The following PROSER2 variants were observed in gnomAD, a reference collection of about 807,000 sequenced individuals.
PROSER2 encodes proline and serine-rich protein 2.
In PROSER2, 18 loss-of-function variants were observed where a neutral mutation model predicts 14.6. That is an observed-to-expected ratio of 1.23 (90% CI 0.85 to 1.83). The LOEUF is 1.83. Among genes scored for constraint, PROSER2 ranks in the 40% most tolerant of loss-of-function variants. The pLI, the probability that PROSER2 is intolerant of heterozygous loss-of-function variation, is 0.00. For missense variants in PROSER2, 823 were observed against 629.8 expected, an observed-to-expected ratio of 1.31 and a Z score of -3.28; for synonymous variants, 367 against 286.4, an observed-to-expected ratio of 1.28 and a Z score of -2.84.
Position 11,869,821 on chromosome 10 carries a change from G to T in PROSER2, c.723G>T (p.Gly241=). ...RGPRSGDPGP[G]PSHPAQPKAP... ...CCCGCAGTGGAGACCCTGGCCCGGGGCCCAGCCACCCGGCGCAGCCCAAGG... is the reference window on the plus strand; with the variant it reads ...CCCGCAGTGGAGACCCTGGCCCGGGTCCCAGCCACCCGGCGCAGCCCAAGG... Residue 241 remains glycine, a synonymous_variant, in exon 4 of 4, where the codon GGG becomes GGT. Coordinates refer to ENST00000277570, the MANE Select transcript of PROSER2 (RefSeq NM_153256.4). This position sits in a 1 kb window ranked among gnomAD's most constrained non-coding sequence, Gnocchi z 4.4. 6.4e-7 allele frequency: 1 copy of T among 1,568,074 alleles called. No homozygotes were observed. The highest frequency in any genetic ancestry group is 1.9e-5 in the Admixed American group (1 of 52,946).
At chr10:11,863,907 C>T (rs956226623) in intron 2 of PROSER2, among the ~76,000 whole-genome samples, 4 of 152,038 alleles carry the variant, frequency 2.6e-5, no homozygotes, top group African/African-American at 9.7e-5. Flanking sequence ...CCTTTGCCAC[C>T]CTTGGGCTTG....
intron 2 of PROSER2, among the ~76,000 whole-genome samples, chr10:11,864,071 C>T (rs1043514328): frequency 7.9e-5 from 12 of 152,168 alleles, no homozygotes; most frequent in African/African-American, 2.9e-4. Flanking sequence ...AACAGCTGCC[C>T]TTCCTGACTA....
At position 11,862,346 on chromosome 10, in the gene PROSER2, TAAGG is replaced by T. The variant is rs960631732; in HGVS notation, c.139-4181_139-4178del. Among the ~76,000 whole-genome samples, 9 of 152,112 alleles carry T rather than the reference TAAGG, an allele frequency of 5.9e-5. No homozygotes were observed. Among genetic ancestry groups the T allele is most frequent in the Non-Finnish European group, 1.3e-4 (9 of 68,030 alleles). The stretch of plus-strand genomic sequence containing the variant: ...AAGGACTAAGAAAGCTAAACAGACT[TAAGG>T]AAGACTTTAAGAACTCCAACAAAAC... On this transcript the variant is annotated intron_variant, in intron 2 of 3. Coordinates refer to ENST00000277570, the MANE Select transcript of PROSER2 (RefSeq NM_153256.4). This position sits in a 1 kb window ranked among gnomAD's most constrained non-coding sequence, Gnocchi z 4.2.
At position 11,866,260 on chromosome 10, in the gene PROSER2, G is replaced by T. The variant is rs1204705863; in HGVS notation, c.139-271G>T. 6.6e-6 allele frequency among the ~76,000 whole-genome samples: 1 copy of T among 152,184 alleles called. No individual in the cohort carries two copies. The highest frequency in any genetic ancestry group is 1.5e-5 in the Non-Finnish European group (1 of 68,030). ...AGCTCTCCAGTGTGCTCCCGAGAGG[G>T]TGCTTTTTGTCATTGACTTGCTAGG... On this transcript the variant is annotated intron_variant, in intron 2 of 3. Transcript: ENST00000277570. The surrounding 1 kb of genome is among the most constrained non-coding windows in gnomAD (Gnocchi z 6.0).
At chr10:11,864,447 C>A (rs975340305) in intron 2 of PROSER2, among the ~76,000 whole-genome samples, 1 of 152,152 alleles carries the variant, frequency 6.6e-6, no homozygotes, top group Non-Finnish European at 1.5e-5. Flanking sequence ...ACACAACACA[C>A]GCACACTTTA....
intron 2 of PROSER2, among the ~76,000 whole-genome samples, chr10:11,855,018 G>C (rs1193001475): frequency 6.6e-6 from 1 of 151,640 alleles, no homozygotes; most frequent in East Asian, 1.9e-4. Flanking sequence ...AGTCAACAGC[G>C]TTTTTAGGCC....
intron 1 of PROSER2, among the ~76,000 whole-genome samples, chr10:11,824,350 C>G (rs1394065960): frequency 1.3e-5 from 2 of 152,154 alleles, no homozygotes; most frequent in East Asian, 3.8e-4. Flanking sequence ...ATCGGTATTT[C>G]TGAAAGGTAT....
chr10:11,854,141 T>C (rs950568081), intron 2 of PROSER2, among the ~76,000 whole-genome samples: 20 of 152,242 alleles, frequency 1.3e-4, no homozygotes, highest in Admixed American at 8.5e-4. Context: ...TCTGGTCGTG[T>C]TTCCTTGCCT....
chr10:11,840,922 CAAAAAAAAAAAAAAAAA>C (rs1169517487), intron 1 of PROSER2, among the ~76,000 whole-genome samples: 14 of 50,374 alleles, frequency 2.8e-4, no homozygotes, highest in Middle Eastern at 0.019. Flanking sequence ...GAGACTGTCT[CAAAAAAAAAAAAAAAAA>C]AAAAAAAAAA....
intron 3 of PROSER2, among the ~76,000 whole-genome samples, chr10:11,867,260 G>C (rs1210675341): frequency 1.6e-5 from 1 of 60,728 alleles, no homozygotes; most frequent in Non-Finnish European, 2.9e-5. Context: ...GTGAGACTCC[G>C]TCTCAAAAAA....
At position 11,872,036 on chromosome 10, in the gene PROSER2, T is replaced by C. The variant is rs1486480847; in HGVS notation, c.*1630T>C. 1 of 152,236 alleles carries C rather than the reference T, an allele frequency of 6.6e-6. No homozygotes were observed. Among genetic ancestry groups the C allele is most frequent in the African/African-American group, 2.4e-5 (1 of 41,450 alleles). The allele number at this position is 152,236 out of a possible 1,614,324, so 9.4% of individuals were successfully genotyped here. A position where few individuals can be genotyped will look rare whatever the true frequency, so the allele number is the denominator to read the frequency against. On this transcript the variant is annotated 3_prime_UTR_variant, in exon 4 of 4. Transcript: ENST00000277570. ...CTGTAAATTTTACTCCTGTTAATGC[T>C]GGATTGGTTTAAAGGATTTATAAGG...
chr10:11,855,770 A>G (rs1376839239), intron 2 of PROSER2, among the ~76,000 whole-genome samples: 2 of 152,218 alleles, frequency 1.3e-5, no homozygotes, highest in Admixed American at 6.5e-5. Flanking sequence ...ACACAAAACA[A>G]ATACATAAAT....
rs1167924052 is a variant in PROSER2, at chr10:11,865,793, GC to G, written c.139-737del. Reference sequence around the variant, plus strand: ...CTGTCACCTTTTTCGAGAGTAACTGGCGAGTTTTGTGCCGGGATGAGCTCAT... The same window carrying G: ...CTGTCACCTTTTTCGAGAGTAACTGGGAGTTTTGTGCCGGGATGAGCTCAT... On this transcript the variant is annotated intron_variant, in intron 2 of 3. Coordinates refer to ENST00000277570, the MANE Select transcript of PROSER2 (RefSeq NM_153256.4). The surrounding 1 kb of genome is among the most constrained non-coding windows in gnomAD (Gnocchi z 4.2). 6.6e-6 allele frequency among the ~76,000 whole-genome samples: 1 copy of G among 152,160 alleles called. No homozygotes were observed. The highest frequency in any genetic ancestry group is 1.5e-5 in the Non-Finnish European group (1 of 68,022).
At chr10:11,852,799 G>A (rs1331158641) in intron 2 of PROSER2, among the ~76,000 whole-genome samples, 1 of 150,602 alleles carries the variant, frequency 6.6e-6, no homozygotes, top group African/African-American at 2.4e-5. Context: ...TGGGATTATA[G>A]GCGTGAGCCA....
intron 1 of PROSER2, among the ~76,000 whole-genome samples, chr10:11,844,073 C>T (rs2131061708): frequency 6.6e-6 from 1 of 152,282 alleles, no homozygotes; most frequent in African/African-American, 2.4e-5. Flanking sequence ...CTCACTGCCA[C>T]CTCCAACTCC....
At chr10:11,831,570 A>G (rs1833689678) in intron 1 of PROSER2, 1 of 152,176 alleles carries the variant, frequency 6.6e-6, no homozygotes, top group African/African-American at 2.4e-5. Context: ...AACCTCGGAG[A>G]TTGATACCAG....
Position 11,869,658 on chromosome 10 carries a change from T to C in PROSER2, c.560T>C (p.Leu187Pro). Reference protein sequence around the residue: ...APSPPVEHPRLLRSVPTPLVM... With the variant: ...APSPPVEHPRPLRSVPTPLVM... ...TCCCCGCCGGTGGAGCACCCCAGAC[T>C]CCTGCGCTCTGTTCCCACGCCCCTC... Residue 187 changes from leucine (L) to proline (P), a missense_variant, in exon 4 of 4, where the codon CTC becomes CCC. Physicochemically the swap from Leu to Pro is moderately conservative, Grantham distance 98. Transcript: ENST00000277570. The surrounding 1 kb of genome is among the most constrained non-coding windows in gnomAD (Gnocchi z 4.4). 3 of 1,600,894 alleles carry C rather than the reference T, an allele frequency of 1.9e-6. No individual in the cohort carries two copies. Among genetic ancestry groups the C allele is most frequent in the East Asian group, 2.3e-5 (1 of 43,972 alleles).
rs759206352 is a variant in PROSER2, at chr10:11,866,369, G to C, written c.139-162G>C. ...TCGGAACACGTTCTCTTCCATCTGG[G>C]TGATGGAGAGGCACACGCAGGCACT... On this transcript the variant is annotated intron_variant, in intron 2 of 3. Coordinates refer to ENST00000277570, the MANE Select transcript of PROSER2 (RefSeq NM_153256.4). This position sits in a 1 kb window ranked among gnomAD's most constrained non-coding sequence, Gnocchi z 6.0. Among the ~76,000 whole-genome samples, 1 of 152,166 alleles carries C rather than the reference G, an allele frequency of 6.6e-6. No homozygotes were observed. Among genetic ancestry groups the C allele is most frequent in the Non-Finnish European group, 1.5e-5 (1 of 68,038 alleles).
At chr10:11,831,615 A>C (rs1332561164) in intron 1 of PROSER2, 1 of 152,210 alleles carries the variant, frequency 6.6e-6, no homozygotes, top group Non-Finnish European at 1.5e-5. Flanking sequence ...ACTGTTCCCC[A>C]GCTAGACTCT....
Sources: gnomAD v4.1 joint callset for allele counts (sites outside exome capture counted in the v4.1 genomes callset) on GRCh38, gnomAD v4.1.1 for gene constraint, Gnocchi (gnomAD v3.1) non-coding constraint, MANE v1.5 for transcripts, NCBI Gene and HGNC (gene_info 2026-07-23, HGNC 2026-07-21) for gene names.